Variants in NCCRP1 observed in about 807,000 individuals in gnomAD.
NCCRP1 encodes the protein NCCRP1, F-box associated domain containing.
A neutral mutation model predicts 34.4 loss-of-function variants in NCCRP1; 32 were observed. The observed-to-expected ratio is 0.93, with a 90% CI of 0.70 to 1.25. NCCRP1 has a LOEUF of 1.25. Among genes scored for constraint, NCCRP1 ranks in the 50% most tolerant of loss-of-function variants. The probability of loss-of-function intolerance (pLI) is 0.00; values close to 1 mark genes in which losing one functional copy is unlikely to be tolerated. For synonymous variants in NCCRP1, 172 were observed against 180.1 expected, an observed-to-expected ratio of 0.95 and a Z score of 0.36; for missense variants, 372 against 391.8, an observed-to-expected ratio of 0.95 and a Z score of 0.43.
intron 4 of NCCRP1, 74 bp downstream of exon 4, chr19:39,199,339 C>T (rs1011544671): frequency 2.2e-6 from 3 of 1,379,890 alleles, no homozygotes; most frequent in East Asian, 2.3e-5. Flanking sequence ...TTACTCTGAG[C>T]TCCCCTTGCT....
intron 3 of NCCRP1, 117 bp downstream of exon 3, chr19:39,198,370 A>T: frequency 8.8e-7 from 1 of 1,132,508 alleles, no homozygotes. Flanking sequence ...CTCTGTAAAC[A>T]GGGTTAGCAT....
chr19:39,197,299 T>G lies in NCCRP1; in HGVS notation c.317T>G (p.Leu106Arg). The change falls in exon 1 of 6, where the codon CTG becomes CGG. Residue 106 changes from leucine (L) to arginine (R), a missense_variant. Physicochemically the swap from Leu to Arg is moderately radical, Grantham distance 102. Coordinates refer to ENST00000339852, the MANE Select transcript of NCCRP1 (RefSeq NM_001001414.2). ...LLRRPLYRNLLRSPNPEGINI... is the reference protein window; with the variant it reads ...LLRRPLYRNLRRSPNPEGINI... ...CGGCGGCCGCTCTACCGCAACCTGC[T>G]GCGCTCGCCCAACCCCGAAGGTGCG... is the stretch of plus-strand genomic sequence containing the variant. 1 of 1,480,336 alleles carries G rather than the reference T, an allele frequency of 6.8e-7. No individual in the cohort carries two copies. Among genetic ancestry groups the G allele is most frequent in the South Asian group, 1.3e-5 (1 of 75,338 alleles). 91.7% of individuals were successfully genotyped at this position (1,480,336 alleles called of 1,614,324 possible).
intron 4 of NCCRP1, 42 bp downstream of exon 4, chr19:39,199,307 A>G (rs1433540717): frequency 1.9e-6 from 3 of 1,562,204 alleles, no homozygotes; most frequent in East Asian, 4.5e-5. Flanking sequence ...GTGATCGCGC[A>G]GGGCTGCCCA....
At chr19:39,199,074 C>A in intron 3 of NCCRP1, 96 bp from the exon 4 acceptor site, 2 of 1,178,760 alleles carry the variant, frequency 1.7e-6, no homozygotes, top group East Asian at 2.4e-5. Context: ...CGTGTGGGGA[C>A]CCAAGCTATC....
Position 39,198,103 on chromosome 19 carries a change from C to CT in NCCRP1, c.389dup (p.Glu131GlyfsTer12). 1 of 1,614,194 alleles carries CT rather than the reference C, an allele frequency of 6.2e-7. No homozygotes were observed. Among genetic ancestry groups the CT allele is most frequent in the Non-Finnish European group, 8.5e-7 (1 of 1,180,048 alleles). ...CCCTACTGGTCCCACCCAGCGACCC[C>CT]TGGAAACTCTGGGTAAGTGCTTGGA... On this transcript the variant is annotated frameshift_variant, in exon 2 of 6. Coordinates refer to ENST00000339852, the MANE Select transcript of NCCRP1 (RefSeq NM_001001414.2). LOFTEE classifies it high-confidence loss of function.
chr19:39,198,303 T>G (rs750601037), intron 3 of NCCRP1, 50 bp downstream of exon 3: 179 of 1,590,734 alleles, frequency 1.1e-4, no homozygotes, highest in Non-Finnish European at 1.5e-4. Context: ...TGCTCCACCC[T>G]TCCTCACTGT....
chr19:39,198,273 G>A lies in NCCRP1; in HGVS notation c.452+20G>A. On this transcript the variant is annotated intron_variant, in intron 3 of 5. Coordinates refer to ENST00000339852, the MANE Select transcript of NCCRP1 (RefSeq NM_001001414.2). Reference sequence around the variant, plus strand: ...CCAAAGGTGAGTCGCCAGGGCCAGTGTGGCTTACACTCCATTCCCTGCTCC... The same window carrying A: ...CCAAAGGTGAGTCGCCAGGGCCAGTATGGCTTACACTCCATTCCCTGCTCC... 6.8e-6 allele frequency: 11 copies of A among 1,613,734 alleles called. No individual in the cohort carries two copies. The highest frequency in any genetic ancestry group is 9.3e-6 in the Non-Finnish European group (11 of 1,179,672).
Position 39,200,246 on chromosome 19 carries a change from A to C in NCCRP1, c.549-100A>C. On this transcript the variant is annotated intron_variant, in intron 4 of 5. Transcript: ENST00000339852. The surrounding 1 kb of genome is among the most constrained non-coding windows in gnomAD (Gnocchi z 5.8). The stretch of plus-strand genomic sequence containing the variant: ...CACCCAGCTCAGGGCTGTGTACAGC[A>C]TGGGTAGCAGCATGTGTGTTGAATG... 2 of 1,482,576 alleles carry C rather than the reference A, an allele frequency of 1.3e-6. No homozygotes were observed. The highest frequency in any genetic ancestry group is 2.3e-5 in the East Asian group (1 of 44,090). The allele number at this position is 1,482,576 out of a possible 1,614,324, so 91.8% of individuals were successfully genotyped here.
intron 3 of NCCRP1, among the ~76,000 whole-genome samples, chr19:39,198,484 A>G (rs1406391399): frequency 6.6e-6 from 1 of 152,106 alleles, no homozygotes; most frequent in African/African-American, 2.4e-5. Context: ...TTTTAAGATG[A>G]AGTCTCACTC....
chr19:39,200,478 G>A lies in NCCRP1; in HGVS notation c.681G>A (p.Trp227Ter). The A allele has an allele frequency of 6.2e-7, 1 of 1,613,340 alleles. No homozygotes were observed. The highest frequency in any genetic ancestry group is 1.1e-5 in the South Asian group (1 of 91,074). The change falls in exon 5 of 6, where the codon TGG becomes TGA. Residue 227 changes from tryptophan (W) to a stop codon, truncating the protein, a stop_gained. Transcript: ENST00000339852. LOFTEE classifies it high-confidence loss of function. This position sits in a 1 kb window ranked among gnomAD's most constrained non-coding sequence, Gnocchi z 5.8. The stretch of plus-strand genomic sequence containing the variant: ...CTGGGAGAGGACCCCCTGGCCGCTG[G>A]GTCCAGGTGAGACTCTCCGCGCCGG... ...RTSGRGPPGR[W>*]VQVSHVFRHY...
intron 4 of NCCRP1, 31 bp downstream of exon 4, chr19:39,199,296 C>T (rs375875784): frequency 3.1e-5 from 49 of 1,596,582 alleles, no homozygotes; most frequent in African/African-American, 4.0e-5. Context: ...AGCCTGACCC[C>T]GTGATCGCGC....
rs2074783924 is a variant in NCCRP1 at position 39,200,549 on chromosome 19, G to A, written c.687+65G>A. ...TGTTCTTGTCCCAAGACCTCACAGAGGGAGGAGAACAGGTCCGCGGGTCCT... is the reference window on the plus strand; with the variant it reads ...TGTTCTTGTCCCAAGACCTCACAGAAGGAGGAGAACAGGTCCGCGGGTCCT... On this transcript the variant is annotated intron_variant, in intron 5 of 5. Coordinates refer to ENST00000339852, the MANE Select transcript of NCCRP1 (RefSeq NM_001001414.2). This position sits in a 1 kb window ranked among gnomAD's most constrained non-coding sequence, Gnocchi z 5.8. The A allele has an allele frequency of 6.2e-7, 1 of 1,610,358 alleles. No homozygotes were observed. Among genetic ancestry groups the A allele is most frequent in the South Asian group, 1.1e-5 (1 of 90,664 alleles).
At chr19:39,199,357 C>G (rs1177802868) in intron 4 of NCCRP1, 92 bp downstream of exon 4, 7 of 1,164,218 alleles carry the variant, frequency 6.0e-6, no homozygotes, top group Non-Finnish European at 8.7e-6. Flanking sequence ...GCTTTCAGCC[C>G]TTCACCAAGA....
At position 39,200,668 on chromosome 19, in the gene NCCRP1, T is replaced by G. The variant is rs768209885; in HGVS notation, c.740T>G (p.Leu247Arg). The change falls in exon 6 of 6, where the codon CTG becomes CGG. Residue 247 changes from leucine to arginine, a missense_variant. Coordinates refer to ENST00000339852, the MANE Select transcript of NCCRP1 (RefSeq NM_001001414.2). The surrounding 1 kb of genome is among the most constrained non-coding windows in gnomAD (Gnocchi z 5.8). ...YGPGVRFIHF[L>R]HKAKNRMEPG... ...CCCGGTGTGCGCTTTATCCACTTCCTGCACAAGGCCAAGAACCGCATGGAG... is the reference window on the plus strand; with the variant it reads ...CCCGGTGTGCGCTTTATCCACTTCCGGCACAAGGCCAAGAACCGCATGGAG... 1 of 1,614,104 alleles carries G rather than the reference T, an allele frequency of 6.2e-7. No homozygotes were observed. Among genetic ancestry groups the G allele is most frequent in the East Asian group, 2.2e-5 (1 of 44,872 alleles).
chr19:39,197,443 T>C (rs896153249), intron 1 of NCCRP1, 124 bp downstream of exon 1: 2 of 852,876 alleles, frequency 2.3e-6, no homozygotes, highest in Non-Finnish European at 3.3e-6. Flanking sequence ...TGCATCCCTC[T>C]GTCTCTTTTT....
Position 39,197,302 on chromosome 19 carries a change from G to A in NCCRP1, c.320G>A (p.Arg107His). ...CGGCCGCTCTACCGCAACCTGCTGC[G>A]CTCGCCCAACCCCGAAGGTGCGCAA... ...LRRPLYRNLL[R>H]SPNPEGINIY... is the part of the protein sequence containing the mutation. Residue 107 changes from arginine (R) to histidine (H), a missense_variant, in exon 1 of 6, where the codon CGC becomes CAC. Arg to His is a conservative substitution (Grantham distance 29, BLOSUM62 0). Transcript: ENST00000339852. 4 of 1,476,898 alleles carry A rather than the reference G, an allele frequency of 2.7e-6. No individual in the cohort carries two copies. Among genetic ancestry groups the A allele is most frequent in the Admixed American group, 2.4e-5 (1 of 40,974 alleles). 91.5% of individuals were successfully genotyped at this position (1,476,898 alleles called of 1,614,324 possible).
At chr19:39,199,304 C>A in intron 4 of NCCRP1, 39 bp downstream of exon 4, 4 of 1,568,300 alleles carry the variant, frequency 2.6e-6, no homozygotes, top group Non-Finnish European at 3.5e-6. Context: ...CCCGTGATCG[C>A]GCAGGGCTGC....
intron 3 of NCCRP1, among the ~76,000 whole-genome samples, chr19:39,198,748 C>T (rs757941533): frequency 9.9e-5 from 15 of 152,264 alleles, no homozygotes; most frequent in Non-Finnish European, 1.8e-4. Flanking sequence ...CATGAGCCAC[C>T]GCGCCTGGCT....
intron 1 of NCCRP1, among the ~76,000 whole-genome samples, chr19:39,197,818 T>A (rs2074769401): frequency 1.3e-5 from 2 of 152,092 alleles, no homozygotes. Context: ...TTGGCCTGTC[T>A]CTTTCTCTGG....
Sources: allele counts gnomAD v4.1 joint callset (sites outside exome capture counted in the v4.1 genomes callset), GRCh38; gene constraint gnomAD v4.1.1; non-coding constraint Gnocchi (gnomAD v3.1); transcripts MANE v1.5; gene names NCBI Gene and HGNC (gene_info 2026-07-23, HGNC 2026-07-21).